SLCO3A1: variants seen among roughly 807,000 people sequenced by gnomAD.
SLCO3A1 encodes PGE1 transporter.
SLCO3A1 carries 27 observed loss-of-function variants against 63.1 expected under a neutral mutation model. That is an observed-to-expected ratio of 0.43 (90% CI 0.32 to 0.59). The LOEUF (loss-of-function observed/expected upper bound fraction) is 0.59. SLCO3A1 is among the 20% of genes least tolerant of loss of function. The pLI is 0.09. For synonymous variants in SLCO3A1, 473 were observed against 409.9 expected (o/e 1.15, Z -1.86); for missense variants, 773 against 945.8 (o/e 0.82, Z 2.40).
intron 2 of SLCO3A1, among the ~76,000 whole-genome samples, chr15:91,925,497 T>C (rs1898982427): frequency 6.7e-6 from 1 of 149,592 alleles, no homozygotes; most frequent in Non-Finnish European, 1.5e-5. Flanking sequence ...TTTTTTTAAC[T>C]AGGAAACTAC....
intron 7 of SLCO3A1, among the ~76,000 whole-genome samples, chr15:92,141,911 G>T (rs2048138237): frequency 6.6e-6 from 1 of 152,168 alleles, no homozygotes; most frequent in Non-Finnish European, 1.5e-5. Context: ...TGGATCCCCT[G>T]CTGGAGAGGT....
In SLCO3A1 at chr15:91,863,710, G is replaced by A. The variant is rs1315182158; in HGVS notation, c.180+9622G>A. On this transcript the variant is annotated intron_variant, in intron 1 of 9. Coordinates refer to ENST00000318445, the MANE Select transcript of SLCO3A1 (RefSeq NM_013272.4). This position sits in a 1 kb window ranked among gnomAD's most constrained non-coding sequence, Gnocchi z 4.3. ...ATGATTGAGGAGAAGAAACTTAAAG[G>A]GAGCCAGGCCCATGAAATAGATGTA... Among the ~76,000 whole-genome samples, 1 of 152,132 alleles carries A rather than the reference G, an allele frequency of 6.6e-6. No homozygotes were observed. Among genetic ancestry groups the A allele is most frequent in the Non-Finnish European group, 1.5e-5 (1 of 68,026 alleles).
rs1315608307 is a variant in SLCO3A1 at position 91,954,130 on chromosome 15, G to C, written c.646+37672G>C. ...CACTCATGAGGGAAAGATTGAGAAA[G>C]GCACATACAGTCTGTGAAGATAGTT... is the stretch of plus-strand genomic sequence containing the variant. On this transcript the variant is annotated intron_variant, in intron 2 of 9. Transcript: ENST00000318445. The surrounding 1 kb of genome is among the most constrained non-coding windows in gnomAD (Gnocchi z 4.7). Among the ~76,000 whole-genome samples the C allele has an allele frequency of 1.3e-5, 2 of 152,204 alleles. No individual in the cohort carries two copies. The highest frequency in any genetic ancestry group is 2.9e-5 in the Non-Finnish European group (2 of 68,020).
chr15:91,924,826 G>T (rs893781634), intron 2 of SLCO3A1, among the ~76,000 whole-genome samples: 1 of 152,240 alleles, frequency 6.6e-6, no homozygotes. Flanking sequence ...AAGGTTCCCC[G>T]AAGAGAGTAT....
chr15:91,975,009 G>A (rs1435486348), intron 2 of SLCO3A1, among the ~76,000 whole-genome samples: 1 of 152,170 alleles, frequency 6.6e-6, no homozygotes, highest in Non-Finnish European at 1.5e-5. Context: ...CTGTACTGCA[G>A]TTCCTATCTG....
Position 91,854,326 on chromosome 15 carries a change from G to A in SLCO3A1, c.180+238G>A. 1.8e-6 allele frequency: 2 copies of A among 1,140,906 alleles called. No individual in the cohort carries two copies. Among genetic ancestry groups the A allele is most frequent in the Non-Finnish European group, 2.2e-6 (2 of 928,914 alleles). The allele number at this position is 1,140,906 out of a possible 1,614,324, so 70.7% of individuals were successfully genotyped here. ...GGTAGCAGCTCGCGCGCGTCCGGCT[G>A]GGGCAGGGGGTGCCGGGGGAGGAGA... On this transcript the variant is annotated intron_variant, in intron 1 of 9. Coordinates refer to ENST00000318445, the MANE Select transcript of SLCO3A1 (RefSeq NM_013272.4). This position sits in a 1 kb window ranked among gnomAD's most constrained non-coding sequence, Gnocchi z 6.4.
intron 2 of SLCO3A1, among the ~76,000 whole-genome samples, chr15:91,945,046 T>C (rs1899756345): frequency 6.6e-6 from 1 of 152,196 alleles, no homozygotes; most frequent in Non-Finnish European, 1.5e-5. Flanking sequence ...ACCCAACAGA[T>C]ATTTATTAAA....
rs568548398 is a variant in SLCO3A1 at position 91,918,869 on chromosome 15, G to GA, written c.646+2413dup. On this transcript the variant is annotated intron_variant, in intron 2 of 9. Transcript: ENST00000318445. ...GTGTAACTGTATATCCATCGGGGAGGAATAACATGTGTACCCCTGGTTCCA... is the reference window on the plus strand; with the variant it reads ...GTGTAACTGTATATCCATCGGGGAGGAAATAACATGTGTACCCCTGGTTCCA... Among the ~76,000 whole-genome samples the GA allele has an allele frequency of 1.1e-3, 162 of 152,324 alleles. 1 individual carries two copies. Among genetic ancestry groups the GA allele is most frequent in the African/African-American group, 3.8e-3 (159 of 41,576 alleles).
intron 5 of SLCO3A1, 46 bp from the exon 6 acceptor site, chr15:92,126,015 C>A (rs200192201): frequency 8.4e-6 from 13 of 1,554,898 alleles, no homozygotes; most frequent in Admixed American, 5.0e-5. Context: ...TGTAGACTGG[C>A]CCCACCTTCC....
At chr15:92,082,081 T>C (rs1257262999) in intron 2 of SLCO3A1, among the ~76,000 whole-genome samples, 1 of 152,232 alleles carries the variant, frequency 6.6e-6, no homozygotes, top group East Asian at 1.9e-4. Flanking sequence ...TAATTTGTGC[T>C]CAATAAATGG....
intron 9 of SLCO3A1, among the ~76,000 whole-genome samples, chr15:92,158,584 CTCCCATT>C (rs1202941678): frequency 6.6e-6 from 1 of 152,214 alleles, no homozygotes; most frequent in Non-Finnish European, 1.5e-5. Context: ...CTGTCACAGT[CTCCCATT>C]TGTCTATGGG....
At chr15:91,985,041 T>A (rs902629062) in intron 2 of SLCO3A1, among the ~76,000 whole-genome samples, 2 of 152,214 alleles carry the variant, frequency 1.3e-5, no homozygotes, top group African/African-American at 4.8e-5. Flanking sequence ...TCACAAAATT[T>A]ACACACTCAT....
intron 2 of SLCO3A1, among the ~76,000 whole-genome samples, chr15:92,049,821 G>C (rs2046935311): frequency 6.6e-6 from 1 of 152,172 alleles, no homozygotes; most frequent in South Asian, 2.1e-4. Context: ...AATTGTTTAA[G>C]GCCCAGCTAG....
chr15:92,000,638 A>G (rs1371558711), intron 2 of SLCO3A1, among the ~76,000 whole-genome samples: 1 of 152,256 alleles, frequency 6.6e-6, no homozygotes, highest in African/African-American at 2.4e-5. Flanking sequence ...AGGGTCAGTT[A>G]TACTAATTTA....
At chr15:92,070,364 CG>C (rs2047200476) in intron 2 of SLCO3A1, among the ~76,000 whole-genome samples, 1 of 152,200 alleles carries the variant, frequency 6.6e-6, no homozygotes, top group Admixed American at 6.5e-5. Flanking sequence ...TACGGAGGGT[CG>C]GGTGCGGTGG....
chr15:92,066,622 C>G (rs1051160907), intron 2 of SLCO3A1, among the ~76,000 whole-genome samples: 1 of 150,072 alleles, frequency 6.7e-6, no homozygotes, highest in African/African-American at 2.5e-5. Flanking sequence ...CTTATAGAAG[C>G]CTCTCTGAGC....
rs143705217 is a variant in SLCO3A1 at position 91,987,146 on chromosome 15, G to A, written c.646+70688G>A. Among the ~76,000 whole-genome samples the A allele has an allele frequency of 1.3e-4, 20 of 152,268 alleles. No homozygotes were observed. In the East Asian group the frequency reaches 3.5e-3, roughly 26 times the overall value. ...GAAGGTGATGCAGGTTTTAAAAACC[G>A]TATAGTTGAGAAGAGTGGCAGCAAT... On this transcript the variant is annotated intron_variant, in intron 2 of 9. Coordinates refer to ENST00000318445, the MANE Select transcript of SLCO3A1 (RefSeq NM_013272.4).
intron 7 of SLCO3A1, among the ~76,000 whole-genome samples, chr15:92,134,544 T>A (rs1401404236): frequency 6.6e-6 from 1 of 152,178 alleles, no homozygotes; most frequent in Non-Finnish European, 1.5e-5. Flanking sequence ...AAATAATACA[T>A]AGACAATAAT....
At chr15:92,095,748 A>G (rs1368697974) in intron 3 of SLCO3A1, among the ~76,000 whole-genome samples, 2 of 152,194 alleles carry the variant, frequency 1.3e-5, no homozygotes, top group Non-Finnish European at 2.9e-5. Context: ...GACTTGGCTC[A>G]TCGTGGTGAC....
Sources: allele counts gnomAD v4.1 joint callset (sites outside exome capture counted in the v4.1 genomes callset), GRCh38; gene constraint gnomAD v4.1.1; non-coding constraint Gnocchi (gnomAD v3.1); transcripts MANE v1.5; gene names NCBI Gene and HGNC (gene_info 2026-07-23, HGNC 2026-07-21).